Variants in DNAH11 observed in about 807,000 individuals in gnomAD.
DNAH11 encodes dynein axonemal heavy chain 11, also known as axonemal beta dynein heavy chain 11.
A neutral mutation model predicts 526.0 loss-of-function variants in DNAH11; 442 were observed. The observed-to-expected ratio is 0.84, with a 90% CI of 0.78 to 0.91. The LOEUF is 0.91. Ranked by LOEUF, DNAH11 falls within the 40% of genes least tolerant of loss-of-function variation. DNAH11 has a pLI of 0.00. For synonymous variants in DNAH11, 2,461 were observed against 1,935.9 expected (o/e 1.27, Z -7.12); for missense variants, 6,989 against 5,448.7 (o/e 1.28, Z -8.90).
chr7:21,567,223 A>G lies in DNAH11; in HGVS notation c.1194+2826A>G, dbSNP rs562724200. ...ATTTGGGGTCATTTATTGGGTATCT[A>G]GTGGTAACATGTTTTTAAATTTGTA... On this transcript the variant is annotated intron_variant, in intron 6 of 81. Coordinates refer to ENST00000409508, the MANE Select transcript of DNAH11 (RefSeq NM_001277115.2). 2.6e-5 allele frequency among the ~76,000 whole-genome samples: 4 copies of G among 152,300 alleles called. No homozygotes were observed. The East Asian group carries it at 7.7e-4, about 29-fold the overall frequency.
chr7:21,576,407 G>A (rs1324427139), intron 8 of DNAH11, among the ~76,000 whole-genome samples: 1 of 152,162 alleles, frequency 6.6e-6, no homozygotes, highest in Non-Finnish European at 1.5e-5. Flanking sequence ...GGGGAGAGGA[G>A]ATAAAAGGAA....
At chr7:21,624,108 C>T (rs1326938719) in intron 25 of DNAH11, among the ~76,000 whole-genome samples, 1 of 151,954 alleles carries the variant, frequency 6.6e-6, no homozygotes, top group Admixed American at 6.6e-5. Context: ...GATTAAGTTG[C>T]AACACATGAG....
chr7:21,706,496 T>C (rs879684386), intron 39 of DNAH11, among the ~76,000 whole-genome samples: 1 of 152,146 alleles, frequency 6.6e-6, no homozygotes, highest in Non-Finnish European at 1.5e-5. Flanking sequence ...GTGAAAAATA[T>C]AATAAATGAA....
chr7:21,724,580 G>C (rs1046092777), intron 44 of DNAH11, among the ~76,000 whole-genome samples: 1 of 148,940 alleles, frequency 6.7e-6, no homozygotes, highest in Non-Finnish European at 1.5e-5. Context: ...GGATATAGGA[G>C]TCACTGCGCC....
rs570289239 is a variant in DNAH11, at chr7:21,660,866, A to T, written c.5328+1835A>T. 2.6e-5 allele frequency among the ~76,000 whole-genome samples: 4 copies of T among 152,210 alleles called. No individual in the cohort carries two copies. In the South Asian group the frequency reaches 8.3e-4, roughly 32 times the overall value. On this transcript the variant is annotated intron_variant, in intron 30 of 81. Transcript: ENST00000409508. ...TGATTATTTTATATTTTCACTCAAT[A>T]TATTATCTACATATTTTCTTGTCAT...
chr7:21,747,944 A>G (rs1380187162), intron 51 of DNAH11, among the ~76,000 whole-genome samples: 1 of 152,234 alleles, frequency 6.6e-6, no homozygotes, highest in Non-Finnish European at 1.5e-5. Context: ...GCTAATCAAA[A>G]TATTTTGAAG....
In DNAH11 at chr7:21,602,908, T is replaced by C. The variant is rs80136354; in HGVS notation, c.3648+1290T>C. ...GGTGAAATGTACTATTCGGATAACA[T>C]ATAAAAGTAACCATTTAAAAATGTA... On this transcript the variant is annotated intron_variant, in intron 18 of 81. Coordinates refer to ENST00000409508, the MANE Select transcript of DNAH11 (RefSeq NM_001277115.2). Among the ~76,000 whole-genome samples the C allele has an allele frequency of 8.5e-3, 1,295 of 152,288 alleles. 12 individuals carry two copies. The highest frequency in any genetic ancestry group is 0.03 in the African/African-American group (1,238 of 41,548).
intron 65 of DNAH11, 55 bp from the exon 66 acceptor site, chr7:21,842,489 G>A: frequency 7.0e-7 from 1 of 1,420,896 alleles, no homozygotes. Flanking sequence ...TGACACCGTA[G>A]TATCAGTTAT....
chr7:21,900,635 A>G (rs1450676568), intron 81 of DNAH11, among the ~76,000 whole-genome samples: 1 of 152,176 alleles, frequency 6.6e-6, no homozygotes, highest in Non-Finnish European at 1.5e-5. Flanking sequence ...TTCAGTTTAA[A>G]GCAAGTGCCA....
chr7:21,551,277 A>T (rs1214792791), intron 2 of DNAH11, among the ~76,000 whole-genome samples: 2 of 152,192 alleles, frequency 1.3e-5, no homozygotes, highest in Non-Finnish European at 2.9e-5. Context: ...TTCCTCGTCC[A>T]GGGAGGCTTG....
intron 25 of DNAH11, among the ~76,000 whole-genome samples, chr7:21,629,652 G>T (rs952030382): frequency 4.6e-5 from 7 of 151,962 alleles, no homozygotes; most frequent in Non-Finnish European, 8.8e-5. Context: ...TTGCCTAATT[G>T]GTTCCTTTAT....
At chr7:21,672,670 C>A (rs1782691284) in intron 30 of DNAH11, among the ~76,000 whole-genome samples, 2 of 152,202 alleles carry the variant, frequency 1.3e-5, no homozygotes, top group Admixed American at 6.5e-5. Flanking sequence ...GGGAGATATG[C>A]CATGGCTGAT....
intron 54 of DNAH11, among the ~76,000 whole-genome samples, chr7:21,753,225 G>C (rs1027413578): frequency 1.3e-5 from 2 of 152,078 alleles, no homozygotes; most frequent in African/African-American, 4.8e-5. Context: ...TTCCAGGCAG[G>C]GGGAAGGAAG....
Position 21,831,816 on chromosome 7 carries a change from C to T in DNAH11, c.10692-10728C>T, listed in dbSNP as rs544497489. The stretch of plus-strand genomic sequence containing the variant: ...CAGTTAAAAGCTTCTGTTGGCCAGG[C>T]GCAGTGGCTCACGCCTGTAATCCCA... On this transcript the variant is annotated intron_variant, in intron 65 of 81. Transcript: ENST00000409508. Among the ~76,000 whole-genome samples the T allele has an allele frequency of 1.2e-3, 181 of 152,276 alleles. 4 individuals carry two copies. In the South Asian group the frequency reaches 0.019, roughly 16 times the overall value.
At chr7:21,616,102 T>G in intron 21 of DNAH11, 107 bp from the exon 22 acceptor site, 1 of 816,228 alleles carries the variant, frequency 1.2e-6, no homozygotes, top group Non-Finnish European at 2.0e-6. Context: ...AAATTGACTT[T>G]CCACTGGATG....
intron 63 of DNAH11, among the ~76,000 whole-genome samples, chr7:21,813,757 C>T (rs1452539522): frequency 6.6e-6 from 1 of 152,176 alleles, no homozygotes; most frequent in Non-Finnish European, 1.5e-5. Flanking sequence ...CATGTTGACA[C>T]TACTTAATAG....
chr7:21,549,195 A>C (rs913500378), intron 2 of DNAH11, among the ~76,000 whole-genome samples: 2 of 152,108 alleles, frequency 1.3e-5, no homozygotes, highest in African/African-American at 4.8e-5. Context: ...AGACTTTTAT[A>C]AGTCTTATTT....
intron 65 of DNAH11, among the ~76,000 whole-genome samples, chr7:21,841,739 A>G (rs1782211803): frequency 6.6e-6 from 1 of 152,204 alleles, no homozygotes; most frequent in South Asian, 2.1e-4. Flanking sequence ...TAGAAAAGGA[A>G]TGAATGAGTG....
chr7:21,728,908 G>A (rs567902680), intron 45 of DNAH11, among the ~76,000 whole-genome samples: 6 of 152,336 alleles, frequency 3.9e-5, no homozygotes, highest in East Asian at 1.9e-4. Context: ...GCCCTGTACC[G>A]GGGCCCACTG....
Sources: allele counts gnomAD v4.1 joint callset (sites outside exome capture counted in the v4.1 genomes callset), GRCh38; gene constraint gnomAD v4.1.1; transcripts MANE v1.5; gene names NCBI Gene and HGNC (gene_info 2026-07-23, HGNC 2026-07-21).